NTM: variants seen among roughly 807,000 people sequenced by gnomAD.
The protein encoded by NTM is IgLON family member 2.
A neutral mutation model predicts 42.1 loss-of-function variants in NTM; 13 were observed. The ratio of observed to expected loss-of-function variants is 0.31; its 90% CI spans 0.20 to 0.49. The LOEUF is 0.49. Among genes scored for constraint, NTM ranks in the 20% least tolerant of loss-of-function variants. NTM has a pLI of 0.99. For missense variants in NTM, 373 were observed against 452.8 expected (o/e 0.82, Z 1.60); for synonymous variants, 187 against 179.2 (o/e 1.04, Z -0.35).
chr11:132,060,290 A>C (rs1340678700), intron 2 of NTM, among the ~76,000 whole-genome samples: 1 of 152,224 alleles, frequency 6.6e-6, no homozygotes, highest in Non-Finnish European at 1.5e-5. Context: ...GGGCAATGAA[A>C]TTGTGTAGGC....
At chr11:132,303,533 C>T (rs1465950806) in intron 4 of NTM, among the ~76,000 whole-genome samples, 4 of 152,096 alleles carry the variant, frequency 2.6e-5, no homozygotes, top group Non-Finnish European at 5.9e-5. Flanking sequence ...ACTTAATTAC[C>T]TTTGTAAAGA....
chr11:132,035,362 T>C (rs1386681174), intron 2 of NTM, among the ~76,000 whole-genome samples: 1 of 152,202 alleles, frequency 6.6e-6, no homozygotes, highest in African/African-American at 2.4e-5. Context: ...AGGGAGAGAA[T>C]TGAGTGTCAT....
At chr11:132,280,571 C>T (rs766393156) in intron 4 of NTM, among the ~76,000 whole-genome samples, 4 of 149,800 alleles carry the variant, frequency 2.7e-5, no homozygotes, top group Non-Finnish European at 5.9e-5. Flanking sequence ...CTGCAACCTC[C>T]ACCTCCCAGG....
intron 1 of NTM, among the ~76,000 whole-genome samples, chr11:131,656,834 C>G (rs964744705): frequency 1.3e-5 from 2 of 152,168 alleles, no homozygotes; most frequent in African/African-American, 4.8e-5. Context: ...GCAACTGTCA[C>G]TATAAACACT....
At chr11:131,753,014 A>G (rs1416567100) in intron 1 of NTM, among the ~76,000 whole-genome samples, 1 of 150,820 alleles carries the variant, frequency 6.6e-6, no homozygotes, top group Admixed American at 6.6e-5. Context: ...TAATATCCAG[A>G]ATCTACAATG....
At chr11:132,183,658 A>G (rs576552709) in intron 3 of NTM, among the ~76,000 whole-genome samples, 1 of 152,256 alleles carries the variant, frequency 6.6e-6, no homozygotes, top group East Asian at 1.9e-4. Flanking sequence ...GCACCAGACA[A>G]GTATATCTTC....
intron 2 of NTM, among the ~76,000 whole-genome samples, chr11:132,050,373 C>T (rs2078680134): frequency 6.6e-6 from 1 of 152,130 alleles, no homozygotes; most frequent in Non-Finnish European, 1.5e-5. Flanking sequence ...TGAACCAGCC[C>T]ACCCCTACGA....
intron 2 of NTM, among the ~76,000 whole-genome samples, chr11:131,977,117 C>T (rs2064512745): frequency 6.6e-6 from 1 of 152,234 alleles, no homozygotes; most frequent in African/African-American, 2.4e-5. Context: ...GCTTATCACA[C>T]ACTGAGGAAC....
intron 1 of NTM, among the ~76,000 whole-genome samples, chr11:131,388,894 C>G (rs1301224779): frequency 6.6e-6 from 1 of 151,262 alleles, no homozygotes; most frequent in Non-Finnish European, 1.5e-5. Flanking sequence ...TGCCTGTAAT[C>G]CCAGCTAATT....
chr11:131,672,382 G>T (rs1181811470), intron 1 of NTM, among the ~76,000 whole-genome samples: 1 of 152,244 alleles, frequency 6.6e-6, no homozygotes, highest in African/African-American at 2.4e-5. Context: ...CCCCCACCGA[G>T]GACACTGGGC....
rs1045744502 is a variant in NTM, at chr11:131,697,572, G to A, written c.83-213992G>A. Among the ~76,000 whole-genome samples, 14 of 152,130 alleles carry A rather than the reference G, an allele frequency of 9.2e-5. No homozygotes were observed. In the South Asian group the frequency reaches 1.2e-3, roughly 14 times the overall value. ...TTTCTGTATTTCTGGGTGACTTTCCGGGATTTATCTTCCAATTCAGTAATT... is the reference window on the plus strand; with the variant it reads ...TTTCTGTATTTCTGGGTGACTTTCCAGGATTTATCTTCCAATTCAGTAATT... On this transcript the variant is annotated intron_variant, in intron 1 of 8. Transcript: ENST00000683400.
chr11:132,093,995 AG>A (rs1363920892), intron 2 of NTM, among the ~76,000 whole-genome samples: 1 of 152,160 alleles, frequency 6.6e-6, no homozygotes, highest in Non-Finnish European at 1.5e-5. Flanking sequence ...GGGCAGAAAA[AG>A]GAAAGTGATG....
chr11:131,994,233 A>G (rs1456768429), intron 2 of NTM, among the ~76,000 whole-genome samples: 1 of 152,170 alleles, frequency 6.6e-6, no homozygotes, highest in Admixed American at 6.5e-5. Flanking sequence ...TTACATACAT[A>G]TCTGTCTTCC....
chr11:131,703,219 A>T (rs964160261), intron 1 of NTM, among the ~76,000 whole-genome samples: 6 of 152,254 alleles, frequency 3.9e-5, no homozygotes, highest in African/African-American at 1.2e-4. Context: ...GACAGTATGT[A>T]AAATACTCTC....
chr11:132,197,960 C>A (rs987205783), intron 3 of NTM, among the ~76,000 whole-genome samples: 1 of 151,990 alleles, frequency 6.6e-6, no homozygotes, highest in Non-Finnish European at 1.5e-5. Flanking sequence ...AGTAAACATA[C>A]GTGTGCATGT....
chr11:131,370,640 A>G lies in NTM; in HGVS notation c.-167A>G. Reference sequence around the variant, plus strand: ...AGAGTATGAGTGGAGATAATTACGGAGAAGTCATACTCTCTCACACCCTCG... The same window carrying G: ...AGAGTATGAGTGGAGATAATTACGGGGAAGTCATACTCTCTCACACCCTCG... On this transcript the variant is annotated 5_prime_UTR_variant, in exon 1 of 9. Coordinates refer to ENST00000683400, the MANE Select transcript of NTM (RefSeq NM_001352005.2). The G allele has an allele frequency of 1.6e-6, 1 of 615,104 alleles. No homozygotes were observed. Among genetic ancestry groups the G allele is most frequent in the Non-Finnish European group, 2.8e-6 (1 of 351,068 alleles). The allele number at this position is 615,104 out of a possible 1,614,324, so 38.1% of individuals were successfully genotyped here.
chr11:131,963,331 G>A (rs191936395), intron 2 of NTM, among the ~76,000 whole-genome samples: 91 of 152,262 alleles, frequency 6.0e-4, no homozygotes, highest in African/African-American at 2.2e-3. Flanking sequence ...GGGGAACCTG[G>A]ATCTTTTATA....
At chr11:131,529,476 A>G (rs1415876421) in intron 1 of NTM, among the ~76,000 whole-genome samples, 1 of 152,164 alleles carries the variant, frequency 6.6e-6, no homozygotes, top group African/African-American at 2.4e-5. Context: ...CTCAGAGGGT[A>G]AATAGGATGG....
At chr11:132,298,106 A>G (rs909748198) in intron 4 of NTM, among the ~76,000 whole-genome samples, 1 of 152,122 alleles carries the variant, frequency 6.6e-6, no homozygotes, top group Admixed American at 6.5e-5. Context: ...AGTCAATAGA[A>G]TTCCCTTAAA....
Sources: gnomAD v4.1 joint callset for allele counts (sites outside exome capture counted in the v4.1 genomes callset) on GRCh38, gnomAD v4.1.1 for gene constraint, MANE v1.5 for transcripts, NCBI Gene and HGNC (gene_info 2026-07-23, HGNC 2026-07-21) for gene names.